CDK17: variants seen among roughly 807,000 people sequenced by gnomAD.
CDK17 encodes the protein cyclin-dependent kinase 17.
A neutral mutation model predicts 77.6 loss-of-function variants in CDK17; 24 were observed. The observed-to-expected ratio is 0.31, with a 90% CI of 0.22 to 0.44. The LOEUF is 0.44. Ranked by LOEUF, CDK17 falls within the 20% of genes least tolerant of loss-of-function variation. The probability of loss-of-function intolerance (pLI) is 1.00; values close to 1 mark genes in which losing one functional copy is unlikely to be tolerated. For synonymous variants in CDK17, 203 were observed against 210.4 expected (o/e 0.96, Z 0.30); for missense variants, 429 against 622.5 (o/e 0.69, Z 3.31).
chr12:96,372,912 A>G (rs1953716650), intron 1 of CDK17, among the ~76,000 whole-genome samples: 2 of 152,190 alleles, frequency 1.3e-5, no homozygotes, highest in South Asian at 4.1e-4. Flanking sequence ...GACAAACAGA[A>G]TATTGTTTGG....
chr12:96,337,810 T>C (rs1287914090), intron 1 of CDK17, among the ~76,000 whole-genome samples: 1 of 152,184 alleles, frequency 6.6e-6, no homozygotes, highest in East Asian at 1.9e-4. Context: ...CTTCCTTTGT[T>C]AGGCTCCCAA....
chr12:96,365,443 C>T (rs1565837406), intron 1 of CDK17, among the ~76,000 whole-genome samples: 2 of 152,118 alleles, frequency 1.3e-5, no homozygotes, highest in Non-Finnish European at 2.9e-5. Context: ...CCTGATAAGA[C>T]AAAATGCAAA....
At chr12:96,328,032 G>A (rs770742508) in intron 2 of CDK17, among the ~76,000 whole-genome samples, 7 of 152,174 alleles carry the variant, frequency 4.6e-5, no homozygotes, top group East Asian at 1.9e-4. Context: ...GTTGGCAAGT[G>A]AGCAAAGCTT....
At chr12:96,347,335 G>A (rs1953229884) in intron 1 of CDK17, among the ~76,000 whole-genome samples, 1 of 151,588 alleles carries the variant, frequency 6.6e-6, no homozygotes, top group Non-Finnish European at 1.5e-5. Flanking sequence ...AGGCAGAGGC[G>A]GGCAGATCAC....
rs1012871199 is a variant in CDK17 at position 96,347,125 on chromosome 12, G to A, written c.-29-12260C>T. Among the ~76,000 whole-genome samples, 5 of 152,116 alleles carry A rather than the reference G, an allele frequency of 3.3e-5. No homozygotes were observed. The East Asian group carries it at 5.8e-4, about 18-fold the overall frequency. On this transcript the variant is annotated intron_variant, in intron 1 of 16. Coordinates refer to ENST00000261211, the MANE Select transcript of CDK17 (RefSeq NM_002595.5). ...ACATTAAGCTATATCAATTATAAAC[G>A]TTTACACACCTAAAAACAGAGACTA...
chr12:96,317,314 A>G (rs2137115516), intron 3 of CDK17, among the ~76,000 whole-genome samples: 1 of 130,848 alleles, frequency 7.6e-6, no homozygotes, highest in East Asian at 2.4e-4. Flanking sequence ...GACCAAATCT[A>G]CGTCTGATTG....
intron 12 of CDK17, 35 bp downstream of exon 12, chr12:96,286,629 G>T: frequency 6.8e-7 from 1 of 1,460,564 alleles, no homozygotes; most frequent in Non-Finnish European, 9.6e-7. Flanking sequence ...TCAATTATGG[G>T]TGCAAAATCA....
intron 1 of CDK17, among the ~76,000 whole-genome samples, chr12:96,375,791 C>T (rs757009251): frequency 9.2e-5 from 14 of 152,060 alleles, no homozygotes; most frequent in Admixed American, 4.6e-4. Flanking sequence ...GGTGATCCAC[C>T]TGCCTTGGCC....
chr12:96,352,974 C>G (rs1410328780), intron 1 of CDK17, among the ~76,000 whole-genome samples: 2 of 151,980 alleles, frequency 1.3e-5, no homozygotes, highest in Non-Finnish European at 2.9e-5. Flanking sequence ...ATTCATACAA[C>G]ATAGAAACCA....
Position 96,399,863 on chromosome 12 carries a change from G to C in CDK17, c.-30+123C>G, listed in dbSNP as rs566308635. On this transcript the variant is annotated intron_variant, in intron 1 of 16. Transcript: ENST00000261211. ...CGCCTCCTCGCTCAACTTCCCGACCGGGCCTGAGCCACCCGCGCCCCCAGT... is the reference window on the plus strand; with the variant it reads ...CGCCTCCTCGCTCAACTTCCCGACCCGGCCTGAGCCACCCGCGCCCCCAGT... 26 of 269,182 alleles carry C rather than the reference G, an allele frequency of 9.7e-5. No homozygotes were observed. The East Asian group carries it at 1.3e-3, about 13-fold the overall frequency. 16.7% of individuals were successfully genotyped at this position (269,182 alleles called of 1,614,324 possible). A position where few individuals can be genotyped will look rare whatever the true frequency, so the allele number is the denominator to read the frequency against.
At chr12:96,328,719 A>G (rs1256254073) in intron 2 of CDK17, among the ~76,000 whole-genome samples, 2 of 152,184 alleles carry the variant, frequency 1.3e-5, no homozygotes, top group Admixed American at 6.5e-5. Flanking sequence ...CCCATTACAC[A>G]TCCATGTGGA....
chr12:96,326,050 T>C (rs1952888334), intron 2 of CDK17, among the ~76,000 whole-genome samples: 1 of 152,114 alleles, frequency 6.6e-6, no homozygotes, highest in African/African-American at 2.4e-5. Context: ...AAATGAAGAT[T>C]TTTTTCTCTT....
At chr12:96,303,246 A>G (rs547309091) in intron 5 of CDK17, 83 of 152,278 alleles carry the variant, frequency 5.5e-4, no homozygotes, top group African/African-American at 1.9e-3. Flanking sequence ...TCCCACTTTC[A>G]TGAGTTCACA....
intron 1 of CDK17, among the ~76,000 whole-genome samples, chr12:96,386,589 C>T (rs149336853): frequency 8.5e-5 from 13 of 152,098 alleles, no homozygotes; most frequent in Admixed American, 3.3e-4. Context: ...GTCCATGAGG[C>T]GGAGGTTGCA....
chr12:96,389,758 GAACT>G (rs1157518269), intron 1 of CDK17, among the ~76,000 whole-genome samples: 1 of 151,854 alleles, frequency 6.6e-6, no homozygotes, highest in African/African-American at 2.4e-5. Context: ...CCATAATCTC[GAACT>G]AATATTTAAA....
At chr12:96,311,608 T>TTTTTTTTTTTTTTTTTTTTTGAG (rs1555200976) in intron 4 of CDK17, among the ~76,000 whole-genome samples, 1 of 148,370 alleles carries the variant, frequency 6.7e-6, no homozygotes, top group African/African-American at 2.5e-5. Context: ...CTACTTTATT[T>TTTTTTTTTTTTTTTTTTTTTGAG]AATTATACAA....
chr12:96,329,775 C>T (rs1952942093), intron 2 of CDK17, among the ~76,000 whole-genome samples: 1 of 152,206 alleles, frequency 6.6e-6, no homozygotes, highest in South Asian at 2.1e-4. Context: ...TGTAAGAGAT[C>T]AGCAAGATAA....
At position 96,330,805 on chromosome 12, in the gene CDK17, A is replaced by G. The variant is rs115706603; in HGVS notation, c.118+3914T>C. 3.9e-3 allele frequency among the ~76,000 whole-genome samples: 593 copies of G among 152,344 alleles called. 2 individuals are homozygous for G. Among genetic ancestry groups the G allele is most frequent in the African/African-American group, 0.014 (577 of 41,576 alleles). On this transcript the variant is annotated intron_variant, in intron 2 of 16. Coordinates refer to ENST00000261211, the MANE Select transcript of CDK17 (RefSeq NM_002595.5). ...AGCTGTTGTGAATAGTGCTGCTACAAATATAAATATTTGTGTACAAGACTT... is the reference window on the plus strand; with the variant it reads ...AGCTGTTGTGAATAGTGCTGCTACAGATATAAATATTTGTGTACAAGACTT...
chr12:96,371,724 C>A (rs1209342586), intron 1 of CDK17, among the ~76,000 whole-genome samples: 2 of 151,988 alleles, frequency 1.3e-5, no homozygotes, highest in Non-Finnish European at 2.9e-5. Context: ...AAGAGTGAAA[C>A]TCCATCTCAA....
Sources: gnomAD v4.1 joint callset for allele counts (sites outside exome capture counted in the v4.1 genomes callset) on GRCh38, gnomAD v4.1.1 for gene constraint, MANE v1.5 for transcripts, NCBI Gene and HGNC (gene_info 2026-07-23, HGNC 2026-07-21) for gene names.